Variants in MRC1 observed in about 807,000 individuals in gnomAD.
MRC1 encodes the protein macrophage mannose receptor 1.
Under a neutral mutation model 102.9 loss-of-function variants are expected in MRC1, and 62 were observed. The observed-to-expected ratio is 0.60, with a 90% CI of 0.49 to 0.74. The LOEUF is 0.74. Ranked by LOEUF, MRC1 falls within the 30% of genes least tolerant of loss-of-function variation. The pLI is 0.00. For synonymous variants in MRC1, 457 were observed against 298.4 expected (o/e 1.53, Z -5.48); for missense variants, 1,237 against 862.8 (o/e 1.43, Z -5.43).
chr10:17,867,452 G>A lies in MRC1; in HGVS notation c.1983+691G>A, dbSNP rs927640996. Among the ~76,000 whole-genome samples the A allele has an allele frequency of 2.8e-4, 42 of 147,736 alleles. 1 individual carries two copies. The highest frequency in any genetic ancestry group is 6.0e-4 in the African/African-American group (24 of 39,766). The stretch of plus-strand genomic sequence containing the variant: ...TTCTCTTTCTTTCTCCAGTGGGGTC[G>A]TGCTCTGTCATCTAGGCTGGAATAC... On this transcript the variant is annotated intron_variant, in intron 12 of 29. Coordinates refer to ENST00000569591, the MANE Select transcript of MRC1 (RefSeq NM_002438.4).
At chr10:17,865,782 C>G (rs1158184758) in intron 11 of MRC1, among the ~76,000 whole-genome samples, 5 of 152,148 alleles carry the variant, frequency 3.3e-5, no homozygotes, top group Non-Finnish European at 2.9e-5. Flanking sequence ...CTTGAGGTGT[C>G]AGGGAATCAG....
intron 22 of MRC1, among the ~76,000 whole-genome samples, chr10:17,886,966 A>G (rs1376337391): frequency 1.3e-5 from 2 of 152,192 alleles, no homozygotes; most frequent in East Asian, 3.8e-4. Context: ...ATAAGCAACA[A>G]CAACAAAAAA....
chr10:17,844,585 G>T (rs1415438588), intron 5 of MRC1, among the ~76,000 whole-genome samples: 1 of 152,172 alleles, frequency 6.6e-6, no homozygotes, highest in Non-Finnish European at 1.5e-5. Context: ...AATTCTACTT[G>T]TAGATTCAGA....
intron 2 of MRC1, among the ~76,000 whole-genome samples, chr10:17,826,695 C>A (rs1251691625): frequency 6.6e-6 from 1 of 152,310 alleles, no homozygotes; most frequent in Admixed American, 6.5e-5. Context: ...CTTCCTTAAC[C>A]TTTTTGGCTT....
intron 18 of MRC1, 38 bp downstream of exon 18, chr10:17,878,005 A>G: frequency 1.1e-6 from 1 of 870,340 alleles, no homozygotes; most frequent in Non-Finnish European, 2.0e-6. Context: ...TGCTTGGGTT[A>G]GTGTTCTGAC....
intron 26 of MRC1, among the ~76,000 whole-genome samples, chr10:17,904,772 C>G (rs916964646): frequency 0.012 from 1,755 of 152,292 alleles, 40 homozygotes; most frequent in African/African-American, 0.04. Context: ...CTTCTCAGGT[C>G]TTTCTCAGAC....
At chr10:17,850,261 T>TTTTTG (rs1270499807) in intron 7 of MRC1, among the ~76,000 whole-genome samples, 2 of 150,536 alleles carry the variant, frequency 1.3e-5, no homozygotes, top group African/African-American at 2.4e-5. Flanking sequence ...TAGGAGTTTT[T>TTTTTG]TTTTTTTTGA....
intron 1 of MRC1, among the ~76,000 whole-genome samples, chr10:17,810,561 C>A (rs899879515): frequency 2.6e-4 from 39 of 152,246 alleles, no homozygotes; most frequent in African/African-American, 8.4e-4. Context: ...ACTAGCTTTG[C>A]GACCTTGGGC....
chr10:17,887,433 G>A (rs1833614488), intron 22 of MRC1, among the ~76,000 whole-genome samples: 1 of 152,120 alleles, frequency 6.6e-6, no homozygotes, highest in Non-Finnish European at 1.5e-5. Flanking sequence ...CAAAAAACTG[G>A]TGATGGGTAA....
chr10:17,841,740 AT>A (rs35422170), intron 5 of MRC1, among the ~76,000 whole-genome samples: 16,103 of 126,642 alleles, frequency 0.13, 849 homozygotes, highest in Middle Eastern at 0.18. Context: ...CCCCAGTGCC[AT>A]TTTTTTTTTT....
chr10:17,842,808 G>C (rs1845685038), intron 5 of MRC1, among the ~76,000 whole-genome samples: 4 of 152,140 alleles, frequency 2.6e-5, no homozygotes, highest in African/African-American at 9.7e-5. Context: ...GTTAACTTTG[G>C]GTGGAGTAAA....
At position 17,823,384 on chromosome 10, in the gene MRC1, A is replaced by G. The variant is rs782073379; in HGVS notation, c.372A>G (p.Glu124=). Residue 124 remains glutamate (E), a synonymous_variant, in exon 2 of 30, where the codon GAA becomes GAG. Transcript: ENST00000569591. ...DLFFNYGNRQ[E]KNIMLYKGSG... is the part of the protein sequence containing the mutation. The stretch of plus-strand genomic sequence containing the variant: ...TTTTTAACTACGGCAACAGACAAGA[A>G]AAGAATATTATGCTCTACAAGGGAT... 3.8e-6 allele frequency: 3 copies of G among 780,874 alleles called. No homozygotes were observed. In the East Asian group the frequency reaches 7.3e-5, roughly 19 times the overall value. The allele number at this position is 780,874 out of a possible 1,614,324, so 48.4% of individuals were successfully genotyped here. A position where few individuals can be genotyped will look rare whatever the true frequency, so the allele number is the denominator to read the frequency against.
intron 23 of MRC1, among the ~76,000 whole-genome samples, chr10:17,896,796 G>A (rs1416119893): frequency 6.6e-6 from 1 of 152,078 alleles, no homozygotes; most frequent in Admixed American, 6.5e-5. Context: ...GAAATGAAAT[G>A]AAACAAAAAA....
chr10:17,825,810 GA>G (rs1253137926), intron 2 of MRC1, among the ~76,000 whole-genome samples: 1 of 152,312 alleles, frequency 6.6e-6, no homozygotes, highest in East Asian at 1.9e-4. Flanking sequence ...GGCTAATGAT[GA>G]CCAGTACAAC....
chr10:17,861,978 A>G (rs1589182902), intron 10 of MRC1, among the ~76,000 whole-genome samples: 2 of 152,206 alleles, frequency 1.3e-5, no homozygotes, highest in South Asian at 2.1e-4. Flanking sequence ...TCACATGGAC[A>G]TAGAGGAGCT....
In MRC1 at chr10:17,906,954, A is replaced by C; in HGVS notation, c.3868A>C (p.Lys1290Gln). 1.2e-6 allele frequency: 1 copy of C among 824,394 alleles called. No individual in the cohort carries two copies. The allele number at this position is 824,394 out of a possible 1,614,324, so 51.1% of individuals were successfully genotyped here. Residue 1290 changes from lysine to glutamine, a missense_variant, in exon 27 of 30, where the codon AAA (lysine) becomes CAA (glutamine). Coordinates refer to ENST00000569591, the MANE Select transcript of MRC1 (RefSeq NM_002438.4). ...SFLSYRVEPL[K>Q]SKTNFWIGLF... ...TCTGTCATATCGGGTTGAGCCACTT[A>C]AAAGTAAAACCAATTTTTGGATAGG...
At chr10:17,909,621 T>C (rs934789441) in intron 29 of MRC1, among the ~76,000 whole-genome samples, 13 of 152,002 alleles carry the variant, frequency 8.6e-5, no homozygotes, top group Non-Finnish European at 1.8e-4. Flanking sequence ...AAGAAATTTC[T>C]CTTAAGAATC....
chr10:17,834,060 C>A (rs1159098226), intron 4 of MRC1, among the ~76,000 whole-genome samples: 1 of 152,084 alleles, frequency 6.6e-6, no homozygotes, highest in Non-Finnish European at 1.5e-5. Flanking sequence ...GTCTCTAGAG[C>A]CAGTGCTAAG....
intron 16 of MRC1, 52 bp downstream of exon 16, chr10:17,873,877 T>C (rs1833389739): frequency 1.2e-6 from 1 of 865,314 alleles, no homozygotes; most frequent in East Asian, 2.4e-5. Context: ...TTTCTCCGCC[T>C]CTTTCCTTTC....
Sources: allele counts gnomAD v4.1 joint callset (sites outside exome capture counted in the v4.1 genomes callset), GRCh38; gene constraint gnomAD v4.1.1; transcripts MANE v1.5; gene names NCBI Gene and HGNC (gene_info 2026-07-23, HGNC 2026-07-21).